Variants in SAXO1 observed in about 807,000 individuals in gnomAD.
SAXO1 encodes stabilizer of axonemal microtubules 1.
In SAXO1, 21 loss-of-function variants were observed where a neutral mutation model predicts 17.5. That is an observed-to-expected ratio of 1.20 (90% CI 0.85 to 1.72). The LOEUF (loss-of-function observed/expected upper bound fraction) is 1.72, where lower values mean the gene tolerates loss of function less well. Among genes scored for constraint, SAXO1 ranks in the 40% most tolerant of loss-of-function variants. The pLI is 0.00. For synonymous variants in SAXO1, 274 were observed against 216.5 expected, an observed-to-expected ratio of 1.27 and a Z score of -2.33; for missense variants, 843 against 596.0, an observed-to-expected ratio of 1.41 and a Z score of -4.32.
chr9:18,996,126 A>G (rs1191755201), intron 1 of SAXO1, among the ~76,000 whole-genome samples: 1 of 152,156 alleles, frequency 6.6e-6, no homozygotes, highest in Admixed American at 6.5e-5. Flanking sequence ...ATGTCCAAAC[A>G]TATTCAAAAG....
chr9:18,981,935 C>G (rs1041811393), intron 1 of SAXO1, among the ~76,000 whole-genome samples: 1 of 152,208 alleles, frequency 6.6e-6, no homozygotes, highest in African/African-American at 2.4e-5. Context: ...GGCTTTGCAG[C>G]CTGGATGAGC....
intron 1 of SAXO1, among the ~76,000 whole-genome samples, chr9:19,002,076 C>T (rs989968370): frequency 6.6e-6 from 1 of 152,102 alleles, no homozygotes; most frequent in Admixed American, 6.6e-5. Context: ...CACCACTGAT[C>T]CCACAGAAAT....
At chr9:19,013,802 C>A (rs908824213) in intron 1 of SAXO1, among the ~76,000 whole-genome samples, 1 of 152,084 alleles carries the variant, frequency 6.6e-6, no homozygotes, top group South Asian at 2.1e-4. Flanking sequence ...CCGCCTCGGC[C>A]TCCCAAAGTG....
chr9:18,980,689 G>T (rs1833347271), intron 1 of SAXO1, among the ~76,000 whole-genome samples: 1 of 141,582 alleles, frequency 7.1e-6, no homozygotes, highest in Admixed American at 7.6e-5. Flanking sequence ...TTCCTGGCAA[G>T]TCACAAAATT....
At chr9:18,979,161 C>T (rs1052076758) in intron 1 of SAXO1, among the ~76,000 whole-genome samples, 4 of 152,130 alleles carry the variant, frequency 2.6e-5, no homozygotes, top group Non-Finnish European at 5.9e-5. Flanking sequence ...AAGCACTAGG[C>T]TAGACAATAT....
chr9:19,023,913 AAGATTGCTTG>A (rs567508720), intron 1 of SAXO1, among the ~76,000 whole-genome samples: 134 of 150,580 alleles, frequency 8.9e-4, no homozygotes, highest in Non-Finnish European at 1.8e-3. Flanking sequence ...CCGAGGTGGG[AAGATTGCTTG>A]AGCCCAGGAG....
In SAXO1 at chr9:18,941,690, C is replaced by A; in HGVS notation, c.368G>T (p.Arg123Leu). 1 of 1,614,092 alleles carries A rather than the reference C, an allele frequency of 6.2e-7. No homozygotes were observed. ...PVCRVDPIKPRDSKYPCSDKM... is the reference protein window; with the variant it reads ...PVCRVDPIKPLDSKYPCSDKM... Reference sequence around the variant, plus strand: ...GTCGCTACATGGATATTTACTGTCCCGAGGTTTGATGGGGTCCACTCGACA... The same window carrying A: ...GTCGCTACATGGATATTTACTGTCCAGAGGTTTGATGGGGTCCACTCGACA... Residue 123 changes from arginine to leucine, a missense_variant, in exon 3 of 4, where the codon CGG becomes CTG. Coordinates refer to ENST00000380534, the MANE Select transcript of SAXO1 (RefSeq NM_153707.4).
intron 1 of SAXO1, among the ~76,000 whole-genome samples, chr9:18,983,462 C>T (rs1033706970): frequency 6.6e-6 from 1 of 152,124 alleles, no homozygotes; most frequent in East Asian, 1.9e-4. Context: ...GGACACAGAG[C>T]CAAACCATAC....
intron 3 of SAXO1, among the ~76,000 whole-genome samples, chr9:18,938,932 C>G (rs935798596): frequency 5.9e-5 from 9 of 151,536 alleles, no homozygotes; most frequent in African/African-American, 2.2e-4. Context: ...ACATATAGAC[C>G]TCCTCCATCC....
intron 1 of SAXO1, among the ~76,000 whole-genome samples, chr9:18,961,819 G>A (rs1487786023): frequency 6.6e-6 from 1 of 152,140 alleles, no homozygotes; most frequent in Non-Finnish European, 1.5e-5. Context: ...TGTCTTTATA[G>A]TAGAATGATG....
At chr9:19,041,790 A>G (rs866443731) in intron 1 of SAXO1, among the ~76,000 whole-genome samples, 1 of 152,198 alleles carries the variant, frequency 6.6e-6, no homozygotes, top group African/African-American at 2.4e-5. Context: ...TACAAAAATA[A>G]AGTCAAAATG....
intron 1 of SAXO1, among the ~76,000 whole-genome samples, chr9:18,955,704 G>A (rs370877220): frequency 6.6e-6 from 1 of 151,970 alleles, no homozygotes; most frequent in African/African-American, 2.4e-5. Flanking sequence ...ACCAAGTTTC[G>A]GTTTTATGCA....
intron 1 of SAXO1, among the ~76,000 whole-genome samples, chr9:19,025,301 C>A (rs2131031616): frequency 6.6e-6 from 1 of 151,922 alleles, no homozygotes; most frequent in African/African-American, 2.4e-5. Context: ...TTTATGAAGT[C>A]AATTTTATTT....
intron 1 of SAXO1, among the ~76,000 whole-genome samples, chr9:19,026,454 C>A (rs944308395): frequency 6.6e-6 from 1 of 152,156 alleles, no homozygotes; most frequent in African/African-American, 2.4e-5. Context: ...CCACTAAGAT[C>A]CCTTTCAGCT....
chr9:19,020,986 G>T (rs1339901967), intron 1 of SAXO1, among the ~76,000 whole-genome samples: 1 of 152,116 alleles, frequency 6.6e-6, no homozygotes, highest in African/African-American at 2.4e-5. Context: ...GATTATCTTG[G>T]CAAGAATTGT....
chr9:19,024,012 C>CTTTTTTTTTT (rs71333077), intron 1 of SAXO1, among the ~76,000 whole-genome samples: 4 of 38,132 alleles, frequency 1.0e-4, no homozygotes, highest in Non-Finnish European at 1.4e-4. Context: ...CTCTTTAAGG[C>CTTTTTTTTTT]TTTTTTTTTT....
chr9:18,977,046 A>G (rs1833181692), intron 1 of SAXO1, among the ~76,000 whole-genome samples: 1 of 152,218 alleles, frequency 6.6e-6, no homozygotes, highest in African/African-American at 2.4e-5. Context: ...TCACTGAAAG[A>G]GATTTATTCC....
intron 1 of SAXO1, among the ~76,000 whole-genome samples, chr9:18,963,824 C>A (rs905787808): frequency 6.6e-6 from 1 of 152,136 alleles, no homozygotes; most frequent in Non-Finnish European, 1.5e-5. Context: ...ATTTCCAATA[C>A]TGTGTTGAAT....
At chr9:18,999,678 C>T (rs1834170153) in intron 1 of SAXO1, among the ~76,000 whole-genome samples, 1 of 150,796 alleles carries the variant, frequency 6.6e-6, no homozygotes. Context: ...TGAGGAGCGC[C>T]TCTGCCCGGC....
Sources: allele counts gnomAD v4.1 joint callset (sites outside exome capture counted in the v4.1 genomes callset), GRCh38; gene constraint gnomAD v4.1.1; transcripts MANE v1.5; gene names NCBI Gene and HGNC (gene_info 2026-07-23, HGNC 2026-07-21).